MYO10: variants seen among roughly 807,000 people sequenced by gnomAD.
MYO10 encodes unconventional myosin-X.
Under a neutral mutation model 257.3 loss-of-function variants are expected in MYO10, and 133 were observed. The ratio of observed to expected loss-of-function variants is 0.52; its 90% CI spans 0.45 to 0.60. The LOEUF (loss-of-function observed/expected upper bound fraction) is 0.60, where lower values mean the gene tolerates loss of function less well. Among genes scored for constraint, MYO10 ranks in the 20% least tolerant of loss-of-function variants. MYO10 has a pLI of 0.00. For synonymous variants in MYO10, 1,104 were observed against 1,028.6 expected, an observed-to-expected ratio of 1.07 and a Z score of -1.40; for missense variants, 2,399 against 2,635.7, an observed-to-expected ratio of 0.91 and a Z score of 1.97.
chr5:16,818,302 C>T (rs1225519006), intron 2 of MYO10, 135 bp from the exon 3 acceptor site: 2 of 726,886 alleles, frequency 2.8e-6, no homozygotes, highest in African/African-American at 1.8e-5. Context: ...AAAAATATAT[C>T]GCAAAAATCT....
At position 16,673,747 on chromosome 5, in the gene MYO10, T is replaced by A; in HGVS notation, c.5107A>T (p.Thr1703Ser). The A allele has an allele frequency of 6.2e-7, 1 of 1,613,974 alleles. No individual in the cohort carries two copies. The highest frequency in any genetic ancestry group is 8.5e-7 in the Non-Finnish European group (1 of 1,179,898). ...ALIHRQEMTS[T>S]VYCHGGGSCK... ...GAGCCGCCGCCATGGCAATAGACCG[T>A]GGATGTCATTTCCTGCCTGTGGATC... Residue 1703 changes from threonine to serine, a missense_variant, in exon 36 of 41, where the codon ACG becomes TCG. Physicochemically the swap from Thr to Ser is moderately conservative, Grantham distance 58 (BLOSUM62 1). Transcript: ENST00000513610.
At chr5:16,737,414 T>G (rs946209743) in intron 19 of MYO10, among the ~76,000 whole-genome samples, 5 of 152,162 alleles carry the variant, frequency 3.3e-5, no homozygotes, top group African/African-American at 1.2e-4. Context: ...GCACTGATAC[T>G]AAGCCCACCA....
chr5:16,752,877 T>G (rs11958235), intron 19 of MYO10, among the ~76,000 whole-genome samples: 3,737 of 152,340 alleles, frequency 0.025, 176 homozygotes, highest in African/African-American at 0.085. Flanking sequence ...CTATGCATTT[T>G]TTTATGTTAC....
chr5:16,726,220 G>C (rs923171892), intron 19 of MYO10, among the ~76,000 whole-genome samples: 196 of 152,278 alleles, frequency 1.3e-3, no homozygotes, highest in African/African-American at 4.6e-3. Context: ...ATCTGTGGAC[G>C]ATCATCAAGT....
intron 10 of MYO10, among the ~76,000 whole-genome samples, 197 bp from the exon 11 acceptor site, chr5:16,766,395 C>T (rs1053560691): frequency 6.6e-4 from 100 of 152,206 alleles, no homozygotes; most frequent in African/African-American, 2.4e-3. Context: ...GAAGTGTGGT[C>T]TGGGAATCCT....
intron 21 of MYO10, among the ~76,000 whole-genome samples, chr5:16,706,503 T>A (rs1437307251): frequency 6.6e-6 from 1 of 152,176 alleles, no homozygotes; most frequent in Non-Finnish European, 1.5e-5. Flanking sequence ...GTATTACATA[T>A]CTTACTCTAA....
At chr5:16,805,430 G>C (rs1020773004) in intron 3 of MYO10, among the ~76,000 whole-genome samples, 1 of 128,580 alleles carries the variant, frequency 7.8e-6, no homozygotes, top group African/African-American at 3.1e-5. Context: ...CTGCACTCTA[G>C]CCCGGGCAAC....
At chr5:16,933,129 A>G (rs29444) in intron 1 of MYO10, among the ~76,000 whole-genome samples, 126,010 of 152,108 alleles carry the variant, frequency 0.83, 52,693 homozygotes, top group East Asian at 0.97. Context: ...AATACCGCCA[A>G]ACAACTGCTT....
At chr5:16,715,848 C>CA (rs945126379) in intron 19 of MYO10, among the ~76,000 whole-genome samples, 1 of 151,982 alleles carries the variant, frequency 6.6e-6, no homozygotes, top group African/African-American at 2.4e-5. Flanking sequence ...CTGAGGTCAG[C>CA]AGTTCGAGAC....
chr5:16,683,926 C>A lies in MYO10; in HGVS notation c.4000G>T (p.Asp1334Tyr). 6.2e-7 allele frequency: 1 copy of A among 1,613,582 alleles called. No individual in the cohort carries two copies. Among genetic ancestry groups the A allele is most frequent in the Non-Finnish European group, 8.5e-7 (1 of 1,179,766 alleles). ...ANPQNAVGTL[D>Y]VGLIDSVCAS... is the part of the protein sequence containing the mutation. Reference sequence around the variant, plus strand: ...CACACAGAATCAATCAGCCCCACATCCAAGGTGCCCTGGAAAAGAACAAAA... The same window carrying A: ...CACACAGAATCAATCAGCCCCACATACAAGGTGCCCTGGAAAAGAACAAAA... The change falls in exon 30 of 41, where the codon GAT (aspartate) becomes TAT (tyrosine). Residue 1334 changes from aspartate to tyrosine, a missense_variant. Physicochemically the swap from Asp to Tyr is radical, Grantham distance 160 (BLOSUM62 -3). This residue lies in a region of MYO10 where 1,820 missense variants were observed against 1,939.4 expected (regional missense o/e 0.94). Transcript: ENST00000513610.
chr5:16,860,292 A>G lies in MYO10; in HGVS notation c.120+17317T>C, dbSNP rs111501742. Among the ~76,000 whole-genome samples, 385 of 152,282 alleles carry G rather than the reference A, an allele frequency of 2.5e-3. 2 individuals are homozygous for G. Among genetic ancestry groups the G allele is most frequent in the African/African-American group, 9.0e-3 (373 of 41,572 alleles). ...CAGGGCAGGAAGTAGCTCGACTGGA[A>G]GTAAATAGCAAATAAGTGGAAAGTT... On this transcript the variant is annotated intron_variant, in intron 2 of 40. Transcript: ENST00000513610.
At chr5:16,711,787 G>GA (rs148919918) in intron 19 of MYO10, among the ~76,000 whole-genome samples, 31 of 143,666 alleles carry the variant, frequency 2.2e-4, no homozygotes, top group African/African-American at 6.1e-4. Flanking sequence ...AAGAAAAAAA[G>GA]AAAAAAAAAA....
At chr5:16,783,765 G>T (rs1250886642) in intron 4 of MYO10, among the ~76,000 whole-genome samples, 1 of 152,210 alleles carries the variant, frequency 6.6e-6, no homozygotes, top group Non-Finnish European at 1.5e-5. Flanking sequence ...TAAGCTCTGG[G>T]AAAGAGGGAT....
At chr5:16,674,817 T>G in intron 35 of MYO10, 36 bp downstream of exon 35, 1 of 1,610,732 alleles carries the variant, frequency 6.2e-7, no homozygotes, top group Non-Finnish European at 8.5e-7. Context: ...TGTAAGCAGC[T>G]CTGCCCAGCT....
intron 2 of MYO10, among the ~76,000 whole-genome samples, chr5:16,824,351 G>T (rs1742937190): frequency 6.6e-6 from 1 of 152,070 alleles, no homozygotes; most frequent in African/African-American, 2.4e-5. Flanking sequence ...AAGATTTTTG[G>T]TTGTTAGAAT....
chr5:16,897,423 G>GT, intron 1 of MYO10, among the ~76,000 whole-genome samples: 1 of 151,932 alleles, frequency 6.6e-6, no homozygotes, highest in East Asian at 1.9e-4. Flanking sequence ...ATGCAAAGAC[G>GT]TACGCCCTAC....
At chr5:16,886,484 C>T (rs1744900867) in intron 1 of MYO10, among the ~76,000 whole-genome samples, 1 of 152,216 alleles carries the variant, frequency 6.6e-6, no homozygotes, top group African/African-American at 2.4e-5. Context: ...CTCAAAGGCG[C>T]TGCCAGAAGT....
At chr5:16,756,754 C>CCCA (rs1372734634) in intron 18 of MYO10, among the ~76,000 whole-genome samples, 1 of 152,130 alleles carries the variant, frequency 6.6e-6, no homozygotes, top group Admixed American at 6.6e-5. Flanking sequence ...GGAAAGCTCA[C>CCCA]CCACCCTTTT....
intron 2 of MYO10, among the ~76,000 whole-genome samples, chr5:16,859,602 C>G (rs966876492): frequency 1.2e-4 from 19 of 152,096 alleles, no homozygotes; most frequent in Non-Finnish European, 2.4e-4. Context: ...GAAAAATTAC[C>G]TGGCCATGGT....
Sources: allele counts gnomAD v4.1 joint callset (sites outside exome capture counted in the v4.1 genomes callset), GRCh38; gene constraint gnomAD v4.1.1; regional missense constraint gnomAD v4.1.1; transcripts MANE v1.5; gene names NCBI Gene and HGNC (gene_info 2026-07-23, HGNC 2026-07-21).